The following CHAF1B variants were observed in gnomAD, a reference collection of about 807,000 sequenced individuals.
The protein encoded by CHAF1B is chromatin assembly factor 1 subunit B, also known as CAF-1 subunit B.
A neutral mutation model predicts 60.7 loss-of-function variants in CHAF1B; 10 were observed. That is an observed-to-expected ratio of 0.16 (90% confidence interval 0.10 to 0.28). CHAF1B has a LOEUF of 0.28. CHAF1B is among the 10% of genes least tolerant of loss of function. The pLI is 1.00. For missense variants in CHAF1B, 558 were observed against 708.4 expected (o/e 0.79, Z 2.41); for synonymous variants, 261 against 266.1 (o/e 0.98, Z 0.19).
chr21:36,394,566 T>TA lies in CHAF1B; in HGVS notation c.398dup (p.Tyr133Ter). The change falls in exon 5 of 14, where the codon TAT becomes TAAT. Residue 133 changes from tyrosine (Y) to a stop codon, truncating the protein, a stop_gained and frameshift_variant. Coordinates refer to ENST00000314103, the MANE Select transcript of CHAF1B (RefSeq NM_005441.3). LOFTEE classifies it high-confidence loss of function. ...KTLRGHLEDVYDICWATDGNL... is the reference protein window; with the variant it reads ...KTLRGHLEDV ...TTCTAGGGGCCACTTAGAAGATGTG[T>TA]ATGATATTTGCTGGGCAACTGATGG... is the stretch of plus-strand genomic sequence containing the variant. The TA allele has an allele frequency of 6.2e-7, 1 of 1,613,400 alleles. No individual in the cohort carries two copies. Among genetic ancestry groups the TA allele is most frequent in the Non-Finnish European group, 8.5e-7 (1 of 1,179,532 alleles).
chr21:36,396,252 G>A (rs1468688507), intron 5 of CHAF1B, among the ~76,000 whole-genome samples: 1 of 149,264 alleles, frequency 6.7e-6, no homozygotes, highest in Non-Finnish European at 1.5e-5. Flanking sequence ...TGCCTGCGTC[G>A]GCCTCCCAAA....
intron 8 of CHAF1B, among the ~76,000 whole-genome samples, chr21:36,405,574 C>T (rs893956023): frequency 2.0e-5 from 3 of 152,026 alleles, no homozygotes; most frequent in African/African-American, 7.2e-5. Context: ...GGACCACAGG[C>T]GTGTAGCACC....
chr21:36,399,191 C>T (rs2086166455), intron 6 of CHAF1B, among the ~76,000 whole-genome samples: 5 of 151,970 alleles, frequency 3.3e-5, no homozygotes, highest in Admixed American at 2.0e-4. Flanking sequence ...CCCACCACCA[C>T]GCCCGGCTAA....
chr21:36,392,593 T>C (rs8130294), intron 4 of CHAF1B, among the ~76,000 whole-genome samples: 4,651 of 147,848 alleles, frequency 0.031, 100 homozygotes, highest in Admixed American at 0.048. Flanking sequence ...CGGGCAGAGA[T>C]GCTCCTCTCT....
rs1033106706 is a variant in CHAF1B at position 36,386,196 on chromosome 21, C to T, written c.60C>T (p.Asp20=). ...WHNKEPVYSL[D]FQHGTAGRIH... is the part of the protein sequence containing the mutation. ...ACAAGGAGCCCGTGTACAGCCTGGA[C>T]TTCCAGCATGGGACGGCTGGGAGGA... Residue 20 remains aspartate, a synonymous_variant, in exon 2 of 14, where the codon GAC becomes GAT. Coordinates refer to ENST00000314103, the MANE Select transcript of CHAF1B (RefSeq NM_005441.3). 3.7e-6 allele frequency: 6 copies of T among 1,614,216 alleles called. No individual in the cohort carries two copies. In the South Asian group the frequency reaches 5.5e-5, roughly 15 times the overall value.
At chr21:36,390,041 A>G (rs544236029) in intron 3 of CHAF1B, among the ~76,000 whole-genome samples, 23 of 152,246 alleles carry the variant, frequency 1.5e-4, no homozygotes, top group East Asian at 5.8e-4. Context: ...TTAACTTAGC[A>G]TGGGAATGCA....
At chr21:36,392,950 C>A (rs2086103712) in intron 4 of CHAF1B, among the ~76,000 whole-genome samples, 1 of 152,226 alleles carries the variant, frequency 6.6e-6, no homozygotes, top group Admixed American at 6.5e-5. Context: ...GAGACTCTGT[C>A]TGCAATCCCG....
intron 7 of CHAF1B, 89 bp downstream of exon 7, chr21:36,399,694 C>T: frequency 9.5e-7 from 1 of 1,047,694 alleles, no homozygotes; most frequent in South Asian, 1.3e-5. Flanking sequence ...GCAGCCAAAT[C>T]ACTGGCCACA....
chr21:36,408,661 AT>A, intron 8 of CHAF1B, 99 bp from the exon 9 acceptor site: 1 of 765,474 alleles, frequency 1.3e-6, no homozygotes, highest in Non-Finnish European at 2.3e-6. Context: ...AGGGGGAAGT[AT>A]TTTGCAAACC....
Position 36,413,213 on chromosome 21 carries a change from CGGA to C in CHAF1B, c.1396_1398del (p.Glu466del), listed in dbSNP as rs574805448. The C allele has an allele frequency of 8.4e-5, 135 of 1,614,040 alleles. No individual in the cohort carries two copies. In the African/African-American group the frequency reaches 1.3e-3, roughly 16 times the overall value. ...GTCAAAAGCCCCTTGCCGGGGCCTT[CGGA>C]GGAGAAGACCCTGCAGCCCAGTAGT... On this transcript the variant is annotated inframe_deletion, in exon 12 of 14. Coordinates refer to ENST00000314103, the MANE Select transcript of CHAF1B (RefSeq NM_005441.3).
intron 7 of CHAF1B, among the ~76,000 whole-genome samples, chr21:36,400,494 T>TAAAATA (rs1330400924): frequency 6.6e-6 from 1 of 151,756 alleles, no homozygotes; most frequent in Non-Finnish European, 1.5e-5. Context: ...TAAATAAAAA[T>TAAAATA]AAAATAAAAA....
intron 13 of CHAF1B, 36 bp downstream of exon 13, chr21:36,415,425 G>A (rs1299718752): frequency 7.7e-7 from 1 of 1,303,316 alleles, no homozygotes; most frequent in African/African-American, 1.5e-5. Context: ...TATAATGAAA[G>A]GTAGAGTATC....
At position 36,417,918 on chromosome 21, in the gene CHAF1B, C is replaced by G. The variant is rs1402301158; in HGVS notation, c.*1552C>G. The G allele has an allele frequency of 6.6e-6, 1 of 152,106 alleles. No homozygotes were observed. The highest frequency in any genetic ancestry group is 1.5e-5 in the Non-Finnish European group (1 of 68,038). 9.4% of individuals were successfully genotyped at this position (152,106 alleles called of 1,614,324 possible). ...TGAATATTAGGATTTCTTAAAGCTCCTGGAGTAATTCTGATGCGCAGCCAA... is the reference window on the plus strand; with the variant it reads ...TGAATATTAGGATTTCTTAAAGCTCGTGGAGTAATTCTGATGCGCAGCCAA... On this transcript the variant is annotated 3_prime_UTR_variant, in exon 14 of 14. Coordinates refer to ENST00000314103, the MANE Select transcript of CHAF1B (RefSeq NM_005441.3).
At chr21:36,394,422 C>T (rs2086120847) in intron 4 of CHAF1B, 125 bp from the exon 5 acceptor site, 1 of 665,932 alleles carries the variant, frequency 1.5e-6, no homozygotes, top group Non-Finnish European at 2.6e-6. Flanking sequence ...GTTAGCCAGG[C>T]TGGCCTTGAA....
At chr21:36,396,427 A>G (rs989326150) in intron 5 of CHAF1B, among the ~76,000 whole-genome samples, 1 of 149,096 alleles carries the variant, frequency 6.7e-6, no homozygotes, top group African/African-American at 2.5e-5. Flanking sequence ...TAATCCCAGC[A>G]CTTTGGGAGG....
Position 36,416,855 on chromosome 21 carries a change from T to A in CHAF1B, c.*489T>A, listed in dbSNP as rs1408375248. On this transcript the variant is annotated 3_prime_UTR_variant, in exon 14 of 14. Transcript: ENST00000314103. Reference sequence around the variant, plus strand: ...TGTGTTTGTTTTCTGATTTTAAAGGTGACGATGCTTATTCTTTTAGTAACT... The same window carrying A: ...TGTGTTTGTTTTCTGATTTTAAAGGAGACGATGCTTATTCTTTTAGTAACT... 3 of 152,388 alleles carry A rather than the reference T, an allele frequency of 2.0e-5. No individual in the cohort carries two copies. The highest frequency in any genetic ancestry group is 6.5e-5 in the Admixed American group (1 of 15,296). 9.4% of individuals were successfully genotyped at this position (152,388 alleles called of 1,614,324 possible). A position where few individuals can be genotyped will look rare whatever the true frequency, so the allele number is the denominator to read the frequency against.
At chr21:36,407,163 A>T (rs563733536) in intron 8 of CHAF1B, among the ~76,000 whole-genome samples, 5 of 152,194 alleles carry the variant, frequency 3.3e-5, no homozygotes, top group Admixed American at 6.5e-5. Flanking sequence ...TTAGCCGGGC[A>T]TGGTGATGCA....
intron 6 of CHAF1B, 102 bp downstream of exon 6, chr21:36,397,613 A>AG: frequency 1.9e-6 from 1 of 517,942 alleles, no homozygotes; most frequent in Non-Finnish European, 3.4e-6. Context: ...ATCATAGTCT[A>AG]ACTTTGATTC....
At position 36,416,376 on chromosome 21, in the gene CHAF1B, G is replaced by A. The variant is rs758449845; in HGVS notation, c.*10G>A. ...AAGTCTGGACCCTTGATGGGACCTC[G>A]GCTTCTGCTCGAAGCCTACCAGGCT... On this transcript the variant is annotated 3_prime_UTR_variant, in exon 14 of 14. Coordinates refer to ENST00000314103, the MANE Select transcript of CHAF1B (RefSeq NM_005441.3). 10 of 1,611,096 alleles carry A rather than the reference G, an allele frequency of 6.2e-6. No individual in the cohort carries two copies. The South Asian group carries it at 8.8e-5, about 14-fold the overall frequency.
Sources: gnomAD v4.1 joint callset for allele counts (sites outside exome capture counted in the v4.1 genomes callset) on GRCh38, gnomAD v4.1.1 for gene constraint, MANE v1.5 for transcripts, NCBI Gene and HGNC (gene_info 2026-07-23, HGNC 2026-07-21) for gene names.